Variants in AFAP1L1 observed in about 807,000 individuals in gnomAD.
AFAP1L1 encodes actin filament-associated protein 1-like 1.
AFAP1L1 carries 77 observed loss-of-function variants against 99.8 expected under a neutral mutation model. The ratio of observed to expected loss-of-function variants is 0.77; its 90% confidence interval spans 0.64 to 0.93. AFAP1L1 has a LOEUF of 0.93. Among genes scored for constraint, AFAP1L1 ranks in the 40% least tolerant of loss-of-function variants. The pLI is 0.00. For missense variants in AFAP1L1, 893 were observed against 996.8 expected (o/e 0.90, Z 1.40); for synonymous variants, 373 against 395.3 (o/e 0.94, Z 0.67).
Position 149,317,780 on chromosome 5 carries a change from T to C in AFAP1L1, c.1319T>C (p.Leu440Pro). The stretch of plus-strand genomic sequence containing the variant: ...GGCTGGAAGGAACGCTGGTGCCGCC[T>C]GAAGTGCAACACTCTGTATTTCCAC... ...NQGWKERWCR[L>P]KCNTLYFHKD... is the part of the protein sequence containing the mutation. Residue 440 changes from leucine to proline, a missense_variant, in exon 12 of 19, where the codon CTG (leucine) becomes CCG (proline). By Grantham distance (98) the Leu-to-Pro change is moderately conservative. Coordinates refer to ENST00000296721, the MANE Select transcript of AFAP1L1 (RefSeq NM_152406.4). The C allele has an allele frequency of 1.9e-6, 3 of 1,614,078 alleles. No individual in the cohort carries two copies. The highest frequency in any genetic ancestry group is 2.2e-5 in the East Asian group (1 of 44,886).
At chr5:149,285,610 G>C (rs13361800) in intron 1 of AFAP1L1, among the ~76,000 whole-genome samples, 33,413 of 152,006 alleles carry the variant, frequency 0.22, 5,392 homozygotes, top group African/African-American at 0.45. Context: ...GCCTTCCTGA[G>C]GAGGGACTAT....
chr5:149,334,848 C>T (rs1441051842), intron 17 of AFAP1L1, among the ~76,000 whole-genome samples: 1 of 151,700 alleles, frequency 6.6e-6, no homozygotes, highest in Non-Finnish European at 1.5e-5. Context: ...GGTGGACCTC[C>T]AGCCTTGGCA....
At chr5:149,313,330 TG>T (rs776089458) in intron 9 of AFAP1L1, among the ~76,000 whole-genome samples, 168 of 152,316 alleles carry the variant, frequency 1.1e-3, no homozygotes, top group Non-Finnish European at 1.8e-3. Context: ...ACATGGGCCT[TG>T]CACGATGTAA....
intron 18 of AFAP1L1, among the ~76,000 whole-genome samples, chr5:149,338,193 GC>G (rs1487324814): frequency 6.6e-6 from 1 of 152,174 alleles, no homozygotes; most frequent in Non-Finnish European, 1.5e-5. Context: ...AGGCACAGTG[GC>G]TCACACCTGT....
At chr5:149,295,453 C>G (rs1398736893) in intron 1 of AFAP1L1, among the ~76,000 whole-genome samples, 1 of 152,010 alleles carries the variant, frequency 6.6e-6, no homozygotes, top group Non-Finnish European at 1.5e-5. Context: ...CATTTAGAAG[C>G]CAGAAAGCTG....
intron 1 of AFAP1L1, among the ~76,000 whole-genome samples, chr5:149,280,435 A>C (rs954582222): frequency 6.6e-6 from 1 of 151,622 alleles, no homozygotes; most frequent in Non-Finnish European, 1.5e-5. Context: ...TACACCCACA[A>C]AGATTTGATC....
At chr5:149,290,809 G>A (rs909800545) in intron 1 of AFAP1L1, among the ~76,000 whole-genome samples, 15 of 151,588 alleles carry the variant, frequency 9.9e-5, no homozygotes, top group South Asian at 6.2e-4. Flanking sequence ...TTAACTAGCT[G>A]TTAGACTTTA....
chr5:149,333,835 A>AC (rs1325700018), intron 17 of AFAP1L1, among the ~76,000 whole-genome samples: 3 of 152,124 alleles, frequency 2.0e-5, no homozygotes, highest in Non-Finnish European at 4.4e-5. Context: ...CAAAAAACTG[A>AC]CCCTGGTTGG....
chr5:149,282,039 G>A (rs971406824), intron 1 of AFAP1L1, among the ~76,000 whole-genome samples: 5 of 152,178 alleles, frequency 3.3e-5, no homozygotes, highest in Admixed American at 2.0e-4. Context: ...AGGCTGAGCC[G>A]GGAGGGCCCG....
intron 8 of AFAP1L1, among the ~76,000 whole-genome samples, chr5:149,311,304 A>G (rs1175011274): frequency 6.6e-6 from 1 of 152,130 alleles, no homozygotes; most frequent in Non-Finnish European, 1.5e-5. Flanking sequence ...ACCCTCCACG[A>G]GCTGGTTGGG....
chr5:149,303,323 G>A (rs937574657), intron 5 of AFAP1L1, among the ~76,000 whole-genome samples: 1 of 152,076 alleles, frequency 6.6e-6, no homozygotes, highest in African/African-American at 2.4e-5. Flanking sequence ...ATAAAGGAGA[G>A]TCTTTGGTCT....
intron 9 of AFAP1L1, 31 bp from the exon 10 acceptor site, chr5:149,315,790 C>G: frequency 6.2e-7 from 1 of 1,604,644 alleles, no homozygotes; most frequent in South Asian, 1.1e-5. Context: ...AATGTGCCCT[C>G]TGATGAGGGA....
chr5:149,293,219 C>T (rs1468046486), intron 1 of AFAP1L1, among the ~76,000 whole-genome samples: 1 of 152,202 alleles, frequency 6.6e-6, no homozygotes, highest in Admixed American at 6.5e-5. Context: ...TTCACCGTGA[C>T]CTTGTGAAGC....
At chr5:149,307,370 C>T in intron 6 of AFAP1L1, 32 bp from the exon 7 acceptor site, 1 of 1,610,906 alleles carries the variant, frequency 6.2e-7, no homozygotes, top group Non-Finnish European at 8.5e-7. Flanking sequence ...CAGGATGGCA[C>T]AGTGATGGAT....
intron 5 of AFAP1L1, among the ~76,000 whole-genome samples, chr5:149,303,864 G>A (rs1224060143): frequency 2.0e-5 from 3 of 152,166 alleles, no homozygotes; most frequent in South Asian, 4.1e-4. Context: ...TTTTACTGTG[G>A]TAAAATACAC....
intron 1 of AFAP1L1, among the ~76,000 whole-genome samples, 178 bp downstream of exon 1, chr5:149,272,162 A>T (rs1427136269): frequency 2.0e-5 from 3 of 152,266 alleles, no homozygotes; most frequent in Admixed American, 1.3e-4. Context: ...CTGCCGGGAC[A>T]ACCCGGTGCG....
intron 1 of AFAP1L1, among the ~76,000 whole-genome samples, chr5:149,274,253 G>A (rs1755238737): frequency 1.3e-5 from 2 of 152,244 alleles, no homozygotes; most frequent in African/African-American, 4.8e-5. Context: ...ACAGTGAGGA[G>A]CTCCAACAGT....
chr5:149,278,616 A>G (rs1755417082), intron 1 of AFAP1L1, among the ~76,000 whole-genome samples: 1 of 152,130 alleles, frequency 6.6e-6, no homozygotes, highest in South Asian at 2.1e-4. Context: ...GGCCTCTCCC[A>G]CACTAAGACA....
intron 9 of AFAP1L1, 58 bp downstream of exon 9, chr5:149,312,262 T>G: frequency 6.4e-7 from 1 of 1,551,970 alleles, no homozygotes; most frequent in Non-Finnish European, 8.9e-7. Context: ...CAACACGGGC[T>G]CAACCCCAGG....
Sources: allele counts gnomAD v4.1 joint callset (sites outside exome capture counted in the v4.1 genomes callset), GRCh38; gene constraint gnomAD v4.1.1; transcripts MANE v1.5; gene names NCBI Gene and HGNC (gene_info 2026-07-23, HGNC 2026-07-21).